SFMBT1: variants seen among roughly 807,000 people sequenced by gnomAD.
SFMBT1 encodes Scm like with four mbt domains 1, also known as scm-like with four MBT domains protein 1.
A neutral mutation model predicts 108.7 loss-of-function variants in SFMBT1; 32 were observed. The observed-to-expected ratio is 0.29, with a 90% CI of 0.22 to 0.40. SFMBT1 has a LOEUF of 0.40. SFMBT1 is among the 10% of genes least tolerant of loss of function. SFMBT1 has a pLI of 1.00. For missense variants in SFMBT1, 816 were observed against 1,059.6 expected (o/e 0.77, Z 3.19); for synonymous variants, 348 against 369.5 (o/e 0.94, Z 0.67).
intron 1 of SFMBT1, among the ~76,000 whole-genome samples, chr3:52,984,728 G>C (rs1299393846): frequency 2.8e-5 from 1 of 36,140 alleles, no homozygotes; most frequent in Non-Finnish European, 6.7e-5. Context: ...ACTAAATACT[G>C]TGTGTGTGTG....
rs1405491518 is a variant in SFMBT1, at chr3:52,928,278, G to A, written c.961C>T (p.Arg321Ter). Residue 321 changes from arginine to a stop codon, truncating the protein, a stop_gained, in exon 9 of 21, where the codon CGA (arginine) becomes TGA (stop). Transcript: ENST00000394752. LOFTEE classifies it high-confidence loss of function. ...CTGTCGGCGTGGCACACAAAGGATC[G>A]CCGTGCGTGGTTCTCAGGACGCAAG... ...DDLRPENHAR[R>*]SFVCHADSPG... 3.7e-6 allele frequency: 6 copies of A among 1,614,046 alleles called. No homozygotes were observed. The highest frequency in any genetic ancestry group is 5.1e-6 in the Non-Finnish European group (6 of 1,179,992).
rs1699884344 is a variant in SFMBT1 at position 53,036,835 on chromosome 3, G to A, written c.-131+8981C>T. Among the ~76,000 whole-genome samples, 3 of 152,316 alleles carry A rather than the reference G, an allele frequency of 2.0e-5. No homozygotes were observed. The South Asian group carries it at 6.2e-4, about 32-fold the overall frequency. On this transcript the variant is annotated intron_variant, in intron 1 of 20. Transcript: ENST00000394752. ...ATATCCAGGAGCAGAGAGAGGCACTGGCTGGAAGGCTGCAGGTGGCTTACG... is the reference window on the plus strand; with the variant it reads ...ATATCCAGGAGCAGAGAGAGGCACTAGCTGGAAGGCTGCAGGTGGCTTACG...
chr3:52,981,408 G>A (rs1316585751), intron 1 of SFMBT1, among the ~76,000 whole-genome samples: 1 of 152,012 alleles, frequency 6.6e-6, no homozygotes, highest in African/African-American at 2.4e-5. Flanking sequence ...TGTCACCCAG[G>A]CTGGAGTGCA....
intron 1 of SFMBT1, among the ~76,000 whole-genome samples, chr3:52,976,679 T>C (rs1246418754): frequency 1.3e-5 from 2 of 151,918 alleles, no homozygotes; most frequent in Non-Finnish European, 2.9e-5. Context: ...AAAAACAAGC[T>C]ACAGAAAAAA....
intron 1 of SFMBT1, among the ~76,000 whole-genome samples, chr3:52,976,523 AGAAATTAAAAGAAAACATACG>A (rs1371819332): frequency 6.6e-6 from 1 of 152,206 alleles, no homozygotes; most frequent in Non-Finnish European, 1.5e-5. Flanking sequence ...AAGATTCCAA[AGAAATTAAAAGAAAACATACG>A]TGAATATGGT....
intron 1 of SFMBT1, among the ~76,000 whole-genome samples, chr3:52,980,959 TC>T (rs1704690005): frequency 6.6e-6 from 1 of 152,062 alleles, no homozygotes; most frequent in African/African-American, 2.4e-5. Context: ...GGTGGGGAGT[TC>T]GAGACCAGCT....
In SFMBT1 at chr3:52,931,048, A is replaced by G. The variant is rs1702843224; in HGVS notation, c.701-13T>C. On this transcript the variant is annotated splice_polypyrimidine_tract_variant and intron_variant, in intron 6 of 20. Coordinates refer to ENST00000394752, the MANE Select transcript of SFMBT1 (RefSeq NM_016329.4). Reference sequence around the variant, plus strand: ...AGATGTCTAATGGCTTTAATAAAACATGACAACATGCTTTAGATGATGAGA... The same window carrying G: ...AGATGTCTAATGGCTTTAATAAAACGTGACAACATGCTTTAGATGATGAGA... 2 of 1,606,728 alleles carry G rather than the reference A, an allele frequency of 1.2e-6. No homozygotes were observed. The highest frequency in any genetic ancestry group is 1.7e-6 in the Non-Finnish European group (2 of 1,173,500).
chr3:53,011,936 T>C (rs1017821501), intron 1 of SFMBT1, among the ~76,000 whole-genome samples: 4 of 152,104 alleles, frequency 2.6e-5, no homozygotes, highest in East Asian at 1.9e-4. Flanking sequence ...TGAAGGTAAC[T>C]ACTAATCAGA....
At chr3:53,041,440 G>A (rs920230007) in intron 1 of SFMBT1, among the ~76,000 whole-genome samples, 22 of 152,086 alleles carry the variant, frequency 1.4e-4, no homozygotes, top group African/African-American at 5.3e-4. Context: ...GCTCATGCCT[G>A]TAATCCCAGC....
Position 52,921,841 on chromosome 3 carries a change from G to C in SFMBT1, c.1132-10C>G, listed in dbSNP as rs1399521637. ...CATGTTCAGAAATTAACTAGAAAAT[G>C]AATGAATCAAATCAATTTACTGGAT... is the stretch of plus-strand genomic sequence containing the variant. On this transcript the variant is annotated splice_polypyrimidine_tract_variant and intron_variant, in intron 10 of 20. Transcript: ENST00000394752. 1.9e-6 allele frequency: 3 copies of C among 1,613,126 alleles called. No homozygotes were observed. In the African/African-American group the frequency reaches 4.0e-5, roughly 22 times the overall value.
intron 2 of SFMBT1, 75 bp from the exon 3 acceptor site, chr3:52,954,486 T>C: frequency 8.9e-7 from 1 of 1,120,978 alleles, no homozygotes; most frequent in South Asian, 1.3e-5. Flanking sequence ...ATAAACTTAA[T>C]AAACCTAACT....
chr3:53,001,752 CAA>C (rs879704429), intron 1 of SFMBT1, among the ~76,000 whole-genome samples: 2 of 131,578 alleles, frequency 1.5e-5, no homozygotes. Context: ...CTATCTCTAC[CAA>C]AAAAAAAAAA....
At chr3:53,044,335 G>A (rs926285832) in intron 1 of SFMBT1, among the ~76,000 whole-genome samples, 8 of 152,130 alleles carry the variant, frequency 5.3e-5, no homozygotes, top group African/African-American at 1.4e-4. Flanking sequence ...TGCAAATAAG[G>A]AAAATCAAAG....
At chr3:52,978,512 T>C (rs1416988884) in intron 1 of SFMBT1, among the ~76,000 whole-genome samples, 1 of 152,116 alleles carries the variant, frequency 6.6e-6, no homozygotes, top group Non-Finnish European at 1.5e-5. Context: ...AAGGCAATGT[T>C]GGTGGGAATG....
At chr3:52,948,342 C>G (rs1703445629) in intron 3 of SFMBT1, among the ~76,000 whole-genome samples, 1 of 151,990 alleles carries the variant, frequency 6.6e-6, no homozygotes, top group African/African-American at 2.4e-5. Context: ...AACTTGATAT[C>G]TAGTACAGCA....
chr3:53,020,331 A>C (rs1192767626), intron 1 of SFMBT1, among the ~76,000 whole-genome samples: 1 of 152,156 alleles, frequency 6.6e-6, no homozygotes, highest in Non-Finnish European at 1.5e-5. Flanking sequence ...CGGAGGTTGC[A>C]GCGAGCCAAG....
At chr3:52,985,289 C>T (rs1417614100) in intron 1 of SFMBT1, among the ~76,000 whole-genome samples, 1 of 152,190 alleles carries the variant, frequency 6.6e-6, no homozygotes, top group East Asian at 1.9e-4. Flanking sequence ...TTCATGGTTG[C>T]TGTTTCTCAG....
chr3:52,915,905 G>A (rs1386353836), intron 14 of SFMBT1, among the ~76,000 whole-genome samples: 4 of 152,196 alleles, frequency 2.6e-5, no homozygotes, highest in Non-Finnish European at 4.4e-5. Context: ...CTTCTGAGCC[G>A]TTGGCACACA....
chr3:52,945,891 A>G (rs1278350621), intron 3 of SFMBT1, among the ~76,000 whole-genome samples: 2 of 152,172 alleles, frequency 1.3e-5, no homozygotes, highest in Non-Finnish European at 2.9e-5. Context: ...GATGAGAAAC[A>G]GGATATCTGC....
Sources: allele counts gnomAD v4.1 joint callset (sites outside exome capture counted in the v4.1 genomes callset), GRCh38; gene constraint gnomAD v4.1.1; transcripts MANE v1.5; gene names NCBI Gene and HGNC (gene_info 2026-07-23, HGNC 2026-07-21).